NLRP4: variants seen among roughly 807,000 people sequenced by gnomAD.
NLRP4 encodes NLR family pyrin domain containing 4, also known as NACHT, LRR and PYD domains-containing protein 4.
Under a neutral mutation model 84.7 loss-of-function variants are expected in NLRP4, and 44 were observed. The ratio of observed to expected loss-of-function variants is 0.52; its 90% confidence interval spans 0.41 to 0.67. The LOEUF is 0.67. NLRP4 is among the 30% of genes least tolerant of loss of function. The probability of loss-of-function intolerance (pLI) is 0.00; values close to 1 mark genes in which losing one functional copy is unlikely to be tolerated. For missense variants in NLRP4, 1,260 were observed against 1,219.4 expected, an observed-to-expected ratio of 1.03 and a Z score of -0.50; for synonymous variants, 544 against 476.4, an observed-to-expected ratio of 1.14 and a Z score of -1.85.
intron 1 of NLRP4, among the ~76,000 whole-genome samples, chr19:55,842,871 T>G (rs747009431): frequency 6.6e-6 from 1 of 152,084 alleles, no homozygotes; most frequent in Non-Finnish European, 1.5e-5. Context: ...GCCGTTCTCC[T>G]GCCTCAGCCT....
rs776242510 is a variant in NLRP4 at position 55,858,134 on chromosome 19, G to A, written c.741G>A (p.Leu247=). ...QGGLNEPDSD[L]CGDLMEKRPV... is the part of the protein sequence containing the mutation. ...GCTTGAACGAACCCGATTCGGATCT[G>A]TGTGGTGACTTGATGGAGAAACGGC... The change falls in exon 3 of 10, where the codon CTG becomes CTA. Residue 247 remains leucine, a synonymous_variant. Transcript: ENST00000301295. This position sits in a 1 kb window ranked among gnomAD's most constrained non-coding sequence, Gnocchi z 4.2. 8.1e-5 allele frequency: 131 copies of A among 1,614,068 alleles called. No individual in the cohort carries two copies. In the Admixed American group the frequency reaches 2.1e-3, roughly 26 times the overall value.
intron 1 of NLRP4, among the ~76,000 whole-genome samples, chr19:55,845,991 G>T (rs184880000): frequency 6.6e-6 from 1 of 152,230 alleles, no homozygotes; most frequent in African/African-American, 2.4e-5. Context: ...CACTCTGATG[G>T]TGGTTTCTTT....
chr19:55,841,266 G>C (rs923252610), intron 1 of NLRP4, among the ~76,000 whole-genome samples: 1 of 152,066 alleles, frequency 6.6e-6, no homozygotes, highest in Non-Finnish European at 1.5e-5. Flanking sequence ...TTGACCAATC[G>C]CTCCTGGTCT....
Position 55,867,885 on chromosome 19 carries a change from A to T in NLRP4, c.2354+9A>T, listed in dbSNP as rs1184742723. On this transcript the variant is annotated intron_variant, in intron 6 of 9. Coordinates refer to ENST00000301295, the MANE Select transcript of NLRP4 (RefSeq NM_134444.5). ...GTCCTGGTATACCTGATGTGAGTGG[A>T]TGTTGGGGGTGCCTACTGTGGAGGG... The T allele has an allele frequency of 1.2e-6, 2 of 1,612,512 alleles. No individual in the cohort carries two copies. Among genetic ancestry groups the T allele is most frequent in the Non-Finnish European group, 1.7e-6 (2 of 1,179,014 alleles).
At chr19:55,865,806 A>G (rs1984932089) in intron 5 of NLRP4, among the ~76,000 whole-genome samples, 2 of 151,894 alleles carry the variant, frequency 1.3e-5, no homozygotes, top group African/African-American at 2.4e-5. Context: ...AGTGTTCTTT[A>G]TGTTTTCTGA....
intron 5 of NLRP4, among the ~76,000 whole-genome samples, 165 bp downstream of exon 5, chr19:55,862,324 C>T (rs1984796474): frequency 7.6e-6 from 1 of 131,424 alleles, no homozygotes; most frequent in Non-Finnish European, 1.6e-5. Flanking sequence ...GCGTAAGTCT[C>T]CGTTTATTGA....
At chr19:55,873,271 A>C (rs1985257414) in intron 7 of NLRP4, among the ~76,000 whole-genome samples, 1 of 152,170 alleles carries the variant, frequency 6.6e-6, no homozygotes, top group African/African-American at 2.4e-5. Context: ...CATCTTGAAG[A>C]TTTAATGGAA....
At chr19:55,838,749 A>T (rs1264483995) in intron 1 of NLRP4, among the ~76,000 whole-genome samples, 4 of 152,166 alleles carry the variant, frequency 2.6e-5, no homozygotes, top group Non-Finnish European at 4.4e-5. Context: ...ACAAATTTAC[A>T]TCTAATAATT....
At chr19:55,846,350 C>G (rs1983792677) in intron 1 of NLRP4, among the ~76,000 whole-genome samples, 1 of 152,240 alleles carries the variant, frequency 6.6e-6, no homozygotes, top group East Asian at 1.9e-4. Context: ...GGCATTATTT[C>G]CGAGGGCTCT....
intron 1 of NLRP4, among the ~76,000 whole-genome samples, chr19:55,841,364 A>G (rs1370290584): frequency 1.3e-5 from 2 of 152,160 alleles, no homozygotes; most frequent in African/African-American, 2.4e-5. Context: ...GATTCCCCAT[A>G]TAAATGAGAT....
At chr19:55,854,325 C>T (rs1277607319) in intron 2 of NLRP4, among the ~76,000 whole-genome samples, 1 of 152,096 alleles carries the variant, frequency 6.6e-6, no homozygotes. Flanking sequence ...GCCTTTTTCA[C>T]AGACTTCCAT....
chr19:55,881,588 T>C lies in NLRP4; in HGVS notation c.*1T>C, dbSNP rs759082512. 33 of 1,472,946 alleles carry C rather than the reference T, an allele frequency of 2.2e-5. No individual in the cohort carries two copies. The highest frequency in any genetic ancestry group is 3.1e-5 in the Non-Finnish European group (33 of 1,054,748). 91.2% of individuals were successfully genotyped at this position (1,472,946 alleles called of 1,614,324 possible). A position where few individuals can be genotyped will look rare whatever the true frequency, so the allele number is the denominator to read the frequency against. ...CACAATCACAAGGGTAGAGATCTGA[T>C]TGCGAGGAACCTGGGCTCTGACTCG... is the stretch of plus-strand genomic sequence containing the variant. On this transcript the variant is annotated 3_prime_UTR_variant, in exon 10 of 10. Coordinates refer to ENST00000301295, the MANE Select transcript of NLRP4 (RefSeq NM_134444.5).
intron 1 of NLRP4, among the ~76,000 whole-genome samples, chr19:55,845,424 C>T (rs1485157265): frequency 6.6e-6 from 1 of 151,602 alleles, no homozygotes; most frequent in East Asian, 2.0e-4. Flanking sequence ...TCCAGTCTAT[C>T]ATTGTTGGAC....
chr19:55,845,576 G>A (rs1983761782), intron 1 of NLRP4, among the ~76,000 whole-genome samples: 1 of 151,904 alleles, frequency 6.6e-6, no homozygotes, highest in Admixed American at 6.6e-5. Context: ...GGTATTTCTA[G>A]TTCTAGATCC....
chr19:55,880,139 G>C (rs1600246641), intron 9 of NLRP4, among the ~76,000 whole-genome samples: 1 of 151,298 alleles, frequency 6.6e-6, no homozygotes. Flanking sequence ...GGTTAAAACT[G>C]TTATAACTCT....
At chr19:55,878,377 G>A (rs1600245050) in intron 8 of NLRP4, among the ~76,000 whole-genome samples, 1 of 152,180 alleles carries the variant, frequency 6.6e-6, no homozygotes, top group East Asian at 1.9e-4. Context: ...CCATGGTCAT[G>A]CTGCTGCACT....
At chr19:55,879,683 T>C (rs1161289606) in intron 9 of NLRP4, among the ~76,000 whole-genome samples, 1 of 152,174 alleles carries the variant, frequency 6.6e-6, no homozygotes. Context: ...CGCTCCCTTA[T>C]TTATGTTTGC....
At chr19:55,860,473 G>C (rs1032833924) in intron 3 of NLRP4, among the ~76,000 whole-genome samples, 1 of 152,132 alleles carries the variant, frequency 6.6e-6, no homozygotes, top group African/African-American at 2.4e-5. Context: ...CTACTTGAGG[G>C]AGGCTGAAGC....
rs751908563 is a variant in NLRP4, at chr19:55,870,901, G to A, written c.2429G>A (p.Arg810His). 33 of 1,613,858 alleles carry A rather than the reference G, an allele frequency of 2.0e-5. No homozygotes were observed. The Middle Eastern group carries it at 4.9e-4, about 24-fold the overall frequency. ...ATGCTTCTGCGTAACAAGAGCGTGC[G>A]CTATCTAGACCTCAGTGCCAATGTC... ...SEMLLRNKSVRYLDLSANVLK... is the reference protein window; with the variant it reads ...SEMLLRNKSVHYLDLSANVLK... Residue 810 changes from arginine to histidine, a missense_variant, in exon 7 of 10, where the codon CGC becomes CAC. Physicochemically the swap from Arg to His is conservative, Grantham distance 29. Coordinates refer to ENST00000301295, the MANE Select transcript of NLRP4 (RefSeq NM_134444.5).
Sources: gnomAD v4.1 joint callset for allele counts (sites outside exome capture counted in the v4.1 genomes callset) on GRCh38, gnomAD v4.1.1 for gene constraint, Gnocchi (gnomAD v3.1) non-coding constraint, MANE v1.5 for transcripts, NCBI Gene and HGNC (gene_info 2026-07-23, HGNC 2026-07-21) for gene names.